The following GCM1 variants were observed in gnomAD, a reference collection of about 807,000 sequenced individuals.
The protein encoded by GCM1 is GCM transcription factor 1, also known as chorion-specific transcription factor GCMa.
Under a neutral mutation model 25.7 loss-of-function variants are expected in GCM1, and 2 were observed. That is an observed-to-expected ratio of 0.08 (90% CI 0.03 to 0.24). The LOEUF (loss-of-function observed/expected upper bound fraction) is 0.24. Among genes scored for constraint, GCM1 ranks in the 10% least tolerant of loss-of-function variants. GCM1 has a pLI of 1.00. For synonymous variants in GCM1, 183 were observed against 195.7 expected, an observed-to-expected ratio of 0.94 and a Z score of 0.54; for missense variants, 395 against 538.7, an observed-to-expected ratio of 0.73 and a Z score of 2.64.
intron 2 of GCM1, among the ~76,000 whole-genome samples, chr6:53,137,013 T>C (rs1174654683): frequency 6.6e-6 from 1 of 152,044 alleles, no homozygotes; most frequent in Non-Finnish European, 1.5e-5. Flanking sequence ...CAAGTCCCTA[T>C]AAAATAAAAG....
intron 1 of GCM1, among the ~76,000 whole-genome samples, chr6:53,146,460 T>C (rs936180409): frequency 1.1e-4 from 17 of 151,988 alleles, no homozygotes; most frequent in Middle Eastern, 3.4e-3. Flanking sequence ...CCTCAAGTGA[T>C]CTACCCGCCT....
In GCM1 at chr6:53,128,811, A is replaced by C. The variant is rs35934676; in HGVS notation, c.706T>G (p.Phe236Val). 1,762 of 1,613,978 alleles carry C rather than the reference A, an allele frequency of 1.1e-3. 19 individuals are homozygous for C. Among genetic ancestry groups the C allele is most frequent in the African/African-American group, 0.01 (775 of 75,044 alleles). ...AGACCATAACTCTTGGAGAAGGAAAAGCAATCATTTAGTGAGTTCTGCTGA... is the reference window on the plus strand; with the variant it reads ...AGACCATAACTCTTGGAGAAGGAAACGCAATCATTTAGTGAGTTCTGCTGA... ...TPQQNSLNDC[F>V]SFSKSYGLGG... Residue 236 changes from phenylalanine (F) to valine (V), a missense_variant, in exon 6 of 6, where the codon TTT becomes GTT. Physicochemically the swap from Phe to Val is conservative, Grantham distance 50. Coordinates refer to ENST00000259803, the MANE Select transcript of GCM1 (RefSeq NM_003643.4).
intron 2 of GCM1, among the ~76,000 whole-genome samples, chr6:53,143,439 A>G (rs1763909410): frequency 1.3e-5 from 2 of 152,126 alleles, no homozygotes; most frequent in Admixed American, 6.6e-5. Flanking sequence ...TGTCACCACC[A>G]TTTCATGGGG....
intron 1 of GCM1, among the ~76,000 whole-genome samples, chr6:53,147,073 G>T (rs772301986): frequency 6.6e-6 from 1 of 151,944 alleles, no homozygotes; most frequent in East Asian, 1.9e-4. Context: ...ATAAATAAAT[G>T]AATGAATAAA....
intron 3 of GCM1, among the ~76,000 whole-genome samples, chr6:53,133,361 T>TGTGTGTG: frequency 9.6e-6 from 1 of 103,888 alleles, no homozygotes; most frequent in African/African-American, 3.4e-5. Context: ...GTGTGTGTGT[T>TGTGTGTG]TGTGTGTTTT....
chr6:53,146,194 T>TTATATATA (rs201484737), intron 1 of GCM1, among the ~76,000 whole-genome samples: 25 of 100,926 alleles, frequency 2.5e-4, no homozygotes, highest in African/African-American at 6.1e-4. Flanking sequence ...CATATATGTT[T>TTATATATA]TATATATATA....
At chr6:53,135,074 T>C (rs373418991) in intron 2 of GCM1, among the ~76,000 whole-genome samples, 1 of 152,226 alleles carries the variant, frequency 6.6e-6, no homozygotes, top group South Asian at 2.1e-4. Flanking sequence ...AGCGTCTCTG[T>C]TATTGCCCAG....
intron 1 of GCM1, among the ~76,000 whole-genome samples, chr6:53,147,160 G>A (rs1229626576): frequency 6.6e-6 from 1 of 152,018 alleles, no homozygotes; most frequent in African/African-American, 2.4e-5. Context: ...GGTTAAAGGA[G>A]GTTTACCAAG....
At chr6:53,142,012 A>G (rs1763880216) in intron 2 of GCM1, among the ~76,000 whole-genome samples, 1 of 112,402 alleles carries the variant, frequency 8.9e-6, no homozygotes, top group Non-Finnish European at 1.8e-5. Flanking sequence ...AAAAAAAAAA[A>G]AAAAAAAAAA....
intron 4 of GCM1, among the ~76,000 whole-genome samples, chr6:53,131,324 C>T (rs1339262808): frequency 6.6e-6 from 1 of 152,186 alleles, no homozygotes; most frequent in African/African-American, 2.4e-5. Context: ...AGCTGGGTAA[C>T]CTCCTCTAGA....
chr6:53,142,031 A>C (rs1300192877), intron 2 of GCM1, among the ~76,000 whole-genome samples: 4 of 138,206 alleles, frequency 2.9e-5, no homozygotes, highest in Admixed American at 1.5e-4. Context: ...AAAAAAAAAA[A>C]AAAAAAAAAA....
chr6:53,129,029 C>G, intron 5 of GCM1, 83 bp from the exon 6 acceptor site: 1 of 1,022,040 alleles, frequency 9.8e-7, no homozygotes, highest in South Asian at 1.6e-5. Flanking sequence ...TTACTCTGTA[C>G]AAATAAGAGC....
intron 2 of GCM1, among the ~76,000 whole-genome samples, chr6:53,144,538 A>G (rs777007148): frequency 1.9e-4 from 26 of 140,084 alleles, no homozygotes; most frequent in Non-Finnish European, 2.9e-4. Flanking sequence ...TATGCCTGTA[A>G]TCCCAGCACT....
chr6:53,139,225 AG>A (rs1763840741), intron 2 of GCM1, among the ~76,000 whole-genome samples: 1 of 152,182 alleles, frequency 6.6e-6, no homozygotes, highest in African/African-American at 2.4e-5. Context: ...TATGGAAAAC[AG>A]GAAAAAAAAC....
chr6:53,140,145 G>GA (rs1763854637), intron 2 of GCM1, among the ~76,000 whole-genome samples: 2 of 152,298 alleles, frequency 1.3e-5, no homozygotes, highest in African/African-American at 4.8e-5. Flanking sequence ...AGAGCTCTCA[G>GA]GGAAGTTCAA....
At chr6:53,148,191 C>T (rs1010981955) in intron 1 of GCM1, among the ~76,000 whole-genome samples, 2 of 152,166 alleles carry the variant, frequency 1.3e-5, no homozygotes, top group Non-Finnish European at 2.9e-5. Context: ...ATAGAAGATG[C>T]AGATACCAAG....
intron 2 of GCM1, among the ~76,000 whole-genome samples, chr6:53,144,503 TAGG>T (rs1245165372): frequency 1.1e-4 from 17 of 150,336 alleles, no homozygotes; most frequent in South Asian, 2.1e-4. Context: ...ATTTCCAAAA[TAGG>T]AGGAGAAGAG....
At chr6:53,140,235 C>A (rs1198432596) in intron 2 of GCM1, among the ~76,000 whole-genome samples, 1 of 152,136 alleles carries the variant, frequency 6.6e-6, no homozygotes, top group East Asian at 1.9e-4. Flanking sequence ...GACAACGTGA[C>A]CTGCTCATAC....
At position 53,128,694 on chromosome 6, in the gene GCM1, T is replaced by C; in HGVS notation, c.823A>G (p.Ser275Gly). ...KRKLSSSRTY[S>G]SGDLLPPSAS... ...GAAGGAGGAAGCAGGTCTCCACTAC[T>C]GTAGGTTCTGCTACTGGACAATTTG... The change falls in exon 6 of 6, where the codon AGT becomes GGT. Residue 275 changes from serine to glycine, a missense_variant. Ser to Gly is a moderately conservative substitution (Grantham distance 56, BLOSUM62 0). Transcript: ENST00000259803. 4 of 1,614,086 alleles carry C rather than the reference T, an allele frequency of 2.5e-6. No individual in the cohort carries two copies. The highest frequency in any genetic ancestry group is 3.4e-6 in the Non-Finnish European group (4 of 1,179,906).
Sources: allele counts gnomAD v4.1 joint callset (sites outside exome capture counted in the v4.1 genomes callset), GRCh38; gene constraint gnomAD v4.1.1; transcripts MANE v1.5; gene names NCBI Gene and HGNC (gene_info 2026-07-23, HGNC 2026-07-21).